Variants in ZNF25 observed in about 807,000 individuals in gnomAD.
The protein encoded by ZNF25 is zinc finger protein 25.
A neutral mutation model predicts 30.9 loss-of-function variants in ZNF25; 21 were observed. That is an observed-to-expected ratio of 0.68 (90% CI 0.48 to 0.98). The LOEUF (loss-of-function observed/expected upper bound fraction) is 0.98. ZNF25 is among the 50% of genes least tolerant of loss of function. The pLI is 0.00. For missense variants in ZNF25, 501 were observed against 529.9 expected (o/e 0.95, Z 0.54); for synonymous variants, 169 against 181.3 (o/e 0.93, Z 0.55).
rs1468025021 is a variant in ZNF25, at chr10:37,952,353, T to G, written c.1145A>C (p.Asn382Thr). 1 of 1,613,886 alleles carries G rather than the reference T, an allele frequency of 6.2e-7. No homozygotes were observed. The highest frequency in any genetic ancestry group is 2.2e-5 in the East Asian group (1 of 44,892). Residue 382 changes from asparagine to threonine, a missense_variant, in exon 6 of 6, where the codon AAT (asparagine) becomes ACT (threonine). Asn to Thr is a moderately conservative substitution (Grantham distance 65). Coordinates refer to ENST00000302609, the MANE Select transcript of ZNF25 (RefSeq NM_145011.4). ...CTECGKSFAV[N>T]SVLRLHQRTH... is the part of the protein sequence containing the mutation. ...CCTTTGATGTAATCTGAGGACTGAA[T>G]TCACAGCAAAAGATTTGCCACATTC...
chr10:37,968,820 G>A (rs1322838129), intron 2 of ZNF25, among the ~76,000 whole-genome samples: 2 of 152,048 alleles, frequency 1.3e-5, no homozygotes, highest in Admixed American at 6.6e-5. Context: ...TGTAGTATTT[G>A]CAAGATTGGA....
intron 2 of ZNF25, among the ~76,000 whole-genome samples, chr10:37,957,848 TA>T (rs887811811): frequency 2.6e-5 from 4 of 152,280 alleles, no homozygotes; most frequent in Middle Eastern, 3.4e-3. Context: ...GATGATCCTA[TA>T]AAAAAATATA....
chr10:37,973,612 AG>A (rs1396484521), intron 1 of ZNF25, among the ~76,000 whole-genome samples: 4 of 151,250 alleles, frequency 2.6e-5, no homozygotes, highest in Admixed American at 6.6e-5. Flanking sequence ...AAAAAAAAAA[AG>A]AGTATAAAAC....
intron 2 of ZNF25, among the ~76,000 whole-genome samples, chr10:37,962,702 A>G (rs149334992): frequency 6.8e-4 from 104 of 152,322 alleles, no homozygotes; most frequent in Middle Eastern, 6.8e-3. Context: ...CATGTTAACA[A>G]TATCAAAAAT....
intron 2 of ZNF25, among the ~76,000 whole-genome samples, chr10:37,970,137 C>T (rs1416425108): frequency 6.6e-6 from 1 of 152,154 alleles, no homozygotes; most frequent in Non-Finnish European, 1.5e-5. Context: ...AACCAGATTT[C>T]TATCCCAACC....
At chr10:37,969,566 T>C (rs1459792833) in intron 2 of ZNF25, among the ~76,000 whole-genome samples, 1 of 152,140 alleles carries the variant, frequency 6.6e-6, no homozygotes, top group East Asian at 1.9e-4. Flanking sequence ...ACTAGGTAGA[T>C]CCATAGAGAT....
In ZNF25 at chr10:37,950,810, C is replaced by G. The variant is rs1414919263; in HGVS notation, c.*1317G>C. The G allele has an allele frequency of 6.6e-6, 1 of 152,100 alleles. No homozygotes were observed. The highest frequency in any genetic ancestry group is 1.5e-5 in the Non-Finnish European group (1 of 68,040). 9.4% of individuals were successfully genotyped at this position (152,100 alleles called of 1,614,324 possible). A position where few individuals can be genotyped will look rare whatever the true frequency, so the allele number is the denominator to read the frequency against. On this transcript the variant is annotated 3_prime_UTR_variant, in exon 6 of 6. Coordinates refer to ENST00000302609, the MANE Select transcript of ZNF25 (RefSeq NM_145011.4). ...GGCCCAGGCAGCAGGAGCCCAGAGTCCACACCCTTAACTATGCCATGTTGC... is the reference window on the plus strand; with the variant it reads ...GGCCCAGGCAGCAGGAGCCCAGAGTGCACACCCTTAACTATGCCATGTTGC...
chr10:37,960,400 G>A (rs1237094265), intron 2 of ZNF25, among the ~76,000 whole-genome samples: 1 of 148,892 alleles, frequency 6.7e-6, no homozygotes, highest in Non-Finnish European at 1.5e-5. Flanking sequence ...GGATCACGAG[G>A]TCAGGAGATC....
chr10:37,957,685 G>T (rs1381656396), intron 2 of ZNF25, 139 bp from the exon 3 acceptor site: 2 of 878,170 alleles, frequency 2.3e-6, no homozygotes, highest in Non-Finnish European at 3.2e-6. Context: ...GCTGTACCCT[G>T]CTTTATTCAT....
chr10:37,952,455 C>G lies in ZNF25; in HGVS notation c.1043G>C (p.Gly348Ala). 2 of 1,613,730 alleles carry G rather than the reference C, an allele frequency of 1.2e-6. No individual in the cohort carries two copies. The highest frequency in any genetic ancestry group is 1.7e-6 in the Non-Finnish European group (2 of 1,179,902). Residue 348 changes from glycine to alanine, a missense_variant, in exon 6 of 6, where the codon GGG becomes GCG. By Grantham distance (60) the Gly-to-Ala change is moderately conservative. Transcript: ENST00000302609. ...GTCTGATTTATAGTAAAATGTTTTCCCACATTTATTACATTCAAAGGGTTT... is the reference window on the plus strand; with the variant it reads ...GTCTGATTTATAGTAAAATGTTTTCGCACATTTATTACATTCAAAGGGTTT... ...GEKPFECNKC[G>A]KTFYYKSDLT...
intron 2 of ZNF25, among the ~76,000 whole-genome samples, chr10:37,965,130 GA>G (rs2063109980): frequency 6.6e-6 from 1 of 152,172 alleles, no homozygotes; most frequent in Non-Finnish European, 1.5e-5. Flanking sequence ...AAGCATGAAG[GA>G]GGCTTGGCAG....
chr10:37,953,075 T>C lies in ZNF25; in HGVS notation c.423A>G (p.Ser141=), dbSNP rs1279301496. The C allele has an allele frequency of 6.2e-7, 1 of 1,613,956 alleles. No homozygotes were observed. Among genetic ancestry groups the C allele is most frequent in the African/African-American group, 1.3e-5 (1 of 74,926 alleles). Reference sequence around the variant, plus strand: ...TATCACAGTCATAGGATTTGCCCTTTGAGTGAGTATGCTGATGTACTATGA... The same window carrying C: ...TATCACAGTCATAGGATTTGCCCTTCGAGTGAGTATGCTGATGTACTATGA... The part of the protein sequence containing the change: ...SALIVHQHTH[S]KGKSYDCDKC... The change falls in exon 6 of 6, where the codon TCA becomes TCG. Residue 141 remains serine (S), a synonymous_variant. Coordinates refer to ENST00000302609, the MANE Select transcript of ZNF25 (RefSeq NM_145011.4).
chr10:37,957,413 T>C lies in ZNF25; in HGVS notation c.142+7A>G, dbSNP rs778209459. 6.8e-6 allele frequency: 11 copies of C among 1,610,606 alleles called. No homozygotes were observed. The highest frequency in any genetic ancestry group is 9.3e-6 in the Non-Finnish European group (11 of 1,178,442). The stretch of plus-strand genomic sequence containing the variant: ...CTGGGATTTACACCTGGGGAAGTTT[T>C]CCTCACCCACTGAGACAAGGTGACT... On this transcript the variant is annotated splice_region_variant and intron_variant, in intron 3 of 5. Coordinates refer to ENST00000302609, the MANE Select transcript of ZNF25 (RefSeq NM_145011.4).
At chr10:37,974,100 G>A (rs1189777157) in intron 1 of ZNF25, among the ~76,000 whole-genome samples, 1 of 152,078 alleles carries the variant, frequency 6.6e-6, no homozygotes, top group Non-Finnish European at 1.5e-5. Flanking sequence ...CTAAACCCCT[G>A]TCTCTCATCA....
chr10:37,952,185 T>A lies in ZNF25; in HGVS notation c.1313A>T (p.Lys438Met). ...CQECGETFIQ[K>M]SQLTAHQKTH... ...CTTCTGATGTGCAGTGAGTTGTGAC[T>A]TCTGGATAAAGGTTTCCCCACACTC... The change falls in exon 6 of 6, where the codon AAG becomes ATG. Residue 438 changes from lysine (K) to methionine (M), a missense_variant. Lys to Met is a moderately conservative substitution (Grantham distance 95, BLOSUM62 -1). Transcript: ENST00000302609. 1 of 1,610,174 alleles carries A rather than the reference T, an allele frequency of 6.2e-7. No homozygotes were observed. The highest frequency in any genetic ancestry group is 8.5e-7 in the Non-Finnish European group (1 of 1,178,228).
In ZNF25 at chr10:37,952,963, A is replaced by G. The variant is rs767733107; in HGVS notation, c.535T>C (p.Cys179Arg). 96 of 1,614,124 alleles carry G rather than the reference A, an allele frequency of 5.9e-5. 4 individuals carry two copies. In the South Asian group the frequency reaches 1.0e-3, roughly 17 times the overall value. ...TRDKTYECKE[C>R]KKIFYHLSSL... ...GATAGGTGGTAAAATATTTTCTTAC[A>G]TTCTTTACACTCATAGGTTTTATCT... The change falls in exon 6 of 6, where the codon TGT becomes CGT. Residue 179 changes from cysteine (C) to arginine (R), a missense_variant. Physicochemically the swap from Cys to Arg is radical, Grantham distance 180. Transcript: ENST00000302609.
chr10:37,953,590 A>C, intron 5 of ZNF25, 105 bp downstream of exon 5: 2 of 1,025,820 alleles, frequency 1.9e-6, no homozygotes, highest in South Asian at 2.7e-5. Flanking sequence ...CTGCAGTGTT[A>C]GTTTTCTCAC....
chr10:37,953,785 T>G, intron 4 of ZNF25, 27 bp from the exon 5 acceptor site: 1 of 1,582,102 alleles, frequency 6.3e-7, no homozygotes, highest in South Asian at 1.1e-5. Flanking sequence ...AATGTAATAC[T>G]TTATAAATAC....
chr10:37,970,580 T>C (rs2063433934), intron 2 of ZNF25, among the ~76,000 whole-genome samples: 1 of 152,194 alleles, frequency 6.6e-6, no homozygotes, highest in Non-Finnish European at 1.5e-5. Context: ...GTACATTCCT[T>C]TGATTATGTA....
Sources: gnomAD v4.1 joint callset for allele counts (sites outside exome capture counted in the v4.1 genomes callset) on GRCh38, gnomAD v4.1.1 for gene constraint, MANE v1.5 for transcripts, NCBI Gene and HGNC (gene_info 2026-07-23, HGNC 2026-07-21) for gene names.